ABCB5: variants seen among roughly 807,000 people sequenced by gnomAD.
ABCB5 encodes the protein ATP-binding cassette sub-family B member 5.
ABCB5 carries 155 observed loss-of-function variants against 144.2 expected under a neutral mutation model. The observed-to-expected ratio is 1.08, with a 90% confidence interval of 0.94 to 1.23. The LOEUF (loss-of-function observed/expected upper bound fraction) is 1.23. Ranked by LOEUF, ABCB5 falls within the 50% of genes most tolerant of loss-of-function variation. The pLI is 0.00. For synonymous variants in ABCB5, 610 were observed against 528.6 expected, an observed-to-expected ratio of 1.15 and a Z score of -2.11; for missense variants, 1,830 against 1,520.8, an observed-to-expected ratio of 1.20 and a Z score of -3.38.
intron 13 of ABCB5, among the ~76,000 whole-genome samples, chr7:20,656,128 A>C (rs1219856923): frequency 6.6e-6 from 1 of 152,234 alleles, no homozygotes; most frequent in Admixed American, 6.5e-5. Flanking sequence ...CATCACACAC[A>C]AAAATTAATT....
rs189531026 is a variant in ABCB5 at position 20,635,834 on chromosome 7, T to C, written c.314+3721T>C. Among the ~76,000 whole-genome samples, 5 of 152,292 alleles carry C rather than the reference T, an allele frequency of 3.3e-5. No homozygotes were observed. The East Asian group carries it at 9.6e-4, about 29-fold the overall frequency. Reference sequence around the variant, plus strand: ...TTATGGTTTTCTAGGTATAAGACCATATCATCAGCAAATAAATAATTTGAC... The same window carrying C: ...TTATGGTTTTCTAGGTATAAGACCACATCATCAGCAAATAAATAATTTGAC... On this transcript the variant is annotated intron_variant, in intron 5 of 27. Coordinates refer to ENST00000404938, the MANE Select transcript of ABCB5 (RefSeq NM_001163941.2).
At chr7:20,663,546 AGATG>A (rs1165584000) in intron 14 of ABCB5, among the ~76,000 whole-genome samples, 3 of 152,140 alleles carry the variant, frequency 2.0e-5, no homozygotes, top group African/African-American at 4.8e-5. Flanking sequence ...TCAAATTCAG[AGATG>A]GAAAGTAGAA....
At chr7:20,670,045 AC>A (rs1352356552) in intron 14 of ABCB5, among the ~76,000 whole-genome samples, 2 of 152,236 alleles carry the variant, frequency 1.3e-5, no homozygotes, top group Non-Finnish European at 2.9e-5. Context: ...GAGATATTCT[AC>A]AAAACATCTA....
At chr7:20,751,944 A>C (rs971391555) in intron 26 of ABCB5, among the ~76,000 whole-genome samples, 5 of 152,218 alleles carry the variant, frequency 3.3e-5, no homozygotes, top group African/African-American at 1.2e-4. Flanking sequence ...TTTGCTACAA[A>C]GCATGCACCT....
chr7:20,685,927 A>T (rs1785979515), intron 16 of ABCB5, 91 bp downstream of exon 16: 17 of 1,309,320 alleles, frequency 1.3e-5, no homozygotes, highest in Non-Finnish European at 1.7e-5. Context: ...ATAGTAAAAT[A>T]TTACTTACTG....
At chr7:20,723,468 G>A (rs376247776) in intron 21 of ABCB5, among the ~76,000 whole-genome samples, 1 of 152,198 alleles carries the variant, frequency 6.6e-6, no homozygotes, top group East Asian at 1.9e-4. Flanking sequence ...AGCTGAGTTA[G>A]AATCCAGATT....
chr7:20,724,977 T>A (rs1562580829), intron 21 of ABCB5, among the ~76,000 whole-genome samples: 1 of 152,208 alleles, frequency 6.6e-6, no homozygotes, highest in Admixed American at 6.5e-5. Context: ...CCTTGTCTAA[T>A]TTAAACATTG....
chr7:20,629,052 A>T lies in ABCB5; in HGVS notation c.259+214A>T, dbSNP rs183138161. Among the ~76,000 whole-genome samples the T allele has an allele frequency of 1.3e-3, 203 of 152,188 alleles. 4 individuals are homozygous for T. The South Asian group carries it at 0.018, about 14-fold the overall frequency. ...TAATTGAATTAAAATAAATAAATAA[A>T]TAAATAAGAAACAAAATCCCCTATT... On this transcript the variant is annotated intron_variant, in intron 4 of 27. Coordinates refer to ENST00000404938, the MANE Select transcript of ABCB5 (RefSeq NM_001163941.2).
intron 20 of ABCB5, among the ~76,000 whole-genome samples, chr7:20,716,686 C>T (rs546033198): frequency 9.2e-5 from 14 of 152,140 alleles, no homozygotes; most frequent in African/African-American, 2.9e-4. Context: ...AGGAATGGGC[C>T]TGGAAAAGAG....
At chr7:20,691,555 A>G (rs1192566091) in intron 16 of ABCB5, among the ~76,000 whole-genome samples, 1 of 149,678 alleles carries the variant, frequency 6.7e-6, no homozygotes, top group African/African-American at 2.5e-5. Flanking sequence ...TATTAAACTA[A>G]CTGGAGTAGA....
At chr7:20,741,516 C>G (rs1782560370) in intron 24 of ABCB5, among the ~76,000 whole-genome samples, 1 of 151,914 alleles carries the variant, frequency 6.6e-6, no homozygotes, top group East Asian at 1.9e-4. Flanking sequence ...ACTCACTACA[C>G]TAAAATAAAC....
intron 26 of ABCB5, among the ~76,000 whole-genome samples, chr7:20,745,729 G>A (rs1172533722): frequency 2.0e-5 from 3 of 152,148 alleles, no homozygotes; most frequent in Non-Finnish European, 4.4e-5. Flanking sequence ...TGACCTCCCC[G>A]CCACGGCGGT....
rs1340318778 is a variant in ABCB5, at chr7:20,658,596, C to T, written c.1627C>T (p.Pro543Ser). 9.3e-6 allele frequency: 15 copies of T among 1,614,076 alleles called. No individual in the cohort carries two copies. Among genetic ancestry groups the T allele is most frequent in the Non-Finnish European group, 1.1e-5 (13 of 1,180,002 alleles). ...AATTGCTCGTGCCTTAGTTCGAAACCCCAAGATTCTGATTTTAGATGAGGC... is the reference window on the plus strand; with the variant it reads ...AATTGCTCGTGCCTTAGTTCGAAACTCCAAGATTCTGATTTTAGATGAGGC... Reference protein sequence around the residue: ...IAIARALVRNPKILILDEATS... With the variant: ...IAIARALVRNSKILILDEATS... The change falls in exon 14 of 28, where the codon CCC becomes TCC. Residue 543 changes from proline (P) to serine (S), a missense_variant. Coordinates refer to ENST00000404938, the MANE Select transcript of ABCB5 (RefSeq NM_001163941.2).
chr7:20,636,977 C>T (rs1784172970), intron 5 of ABCB5, among the ~76,000 whole-genome samples: 2 of 152,032 alleles, frequency 1.3e-5, no homozygotes, highest in African/African-American at 2.4e-5. Context: ...ACATAGGATA[C>T]ATACATGACA....
intron 23 of ABCB5, among the ~76,000 whole-genome samples, chr7:20,729,071 T>C (rs942689748): frequency 7.9e-5 from 12 of 152,234 alleles, no homozygotes; most frequent in East Asian, 3.8e-4. Flanking sequence ...TAATTGTACA[T>C]ATTATATATT....
In ABCB5 at chr7:20,723,057, T is replaced by C. The variant is rs771405178; in HGVS notation, c.2463T>C (p.Thr821=). 4 of 1,614,012 alleles carry C rather than the reference T, an allele frequency of 2.5e-6. No individual in the cohort carries two copies. Among genetic ancestry groups the C allele is most frequent in the Non-Finnish European group, 3.4e-6 (4 of 1,180,026 alleles). Residue 821 remains threonine (T), a synonymous_variant, in exon 21 of 28, where the codon ACT becomes ACC. Transcript: ENST00000404938. ...SRIGVLTQNA[T]NMGLSVIISF... is the part of the protein sequence containing the mutation. Reference sequence around the variant, plus strand: ...TTGGCGTCTTAACACAAAATGCAACTAACATGGGACTTTCAGTTATCATTT... The same window carrying C: ...TTGGCGTCTTAACACAAAATGCAACCAACATGGGACTTTCAGTTATCATTT...
chr7:20,738,363 TA>T (rs1308334116), intron 23 of ABCB5, among the ~76,000 whole-genome samples: 1 of 152,238 alleles, frequency 6.6e-6, no homozygotes, highest in East Asian at 1.9e-4. Context: ...TACCATTTTA[TA>T]ATTAACATGT....
At chr7:20,706,510 G>A (rs1009589512) in intron 20 of ABCB5, among the ~76,000 whole-genome samples, 13 of 152,172 alleles carry the variant, frequency 8.5e-5, no homozygotes, top group African/African-American at 2.7e-4. Context: ...GGAAATTACG[G>A]GGAATAGTTG....
chr7:20,741,334 G>A (rs1195969535), intron 24 of ABCB5, among the ~76,000 whole-genome samples: 1 of 151,696 alleles, frequency 6.6e-6, no homozygotes, highest in African/African-American at 2.4e-5. Flanking sequence ...ACTTACAAGA[G>A]CATACATAAA....
Sources: gnomAD v4.1 joint callset for allele counts (sites outside exome capture counted in the v4.1 genomes callset) on GRCh38, gnomAD v4.1.1 for gene constraint, MANE v1.5 for transcripts, NCBI Gene and HGNC (gene_info 2026-07-23, HGNC 2026-07-21) for gene names.